The following TENM3 variants were observed in gnomAD, a reference collection of about 807,000 sequenced individuals.
TENM3 encodes the protein teneurin transmembrane protein 3.
TENM3 carries 63 observed loss-of-function variants against 255.1 expected under a neutral mutation model. The ratio of observed to expected loss-of-function variants is 0.25; its 90% confidence interval spans 0.20 to 0.30. The LOEUF (loss-of-function observed/expected upper bound fraction) is 0.30, where lower values mean the gene tolerates loss of function less well. Among genes scored for constraint, TENM3 ranks in the 10% least tolerant of loss-of-function variants. The pLI is 1.00. For missense variants in TENM3, 2,929 were observed against 3,461.1 expected, an observed-to-expected ratio of 0.85 and a Z score of 3.86; for synonymous variants, 1,306 against 1,322.3, an observed-to-expected ratio of 0.99 and a Z score of 0.27.
intron 3 of TENM3, among the ~76,000 whole-genome samples, chr4:182,437,443 G>A (rs532920876): frequency 6.6e-6 from 1 of 152,090 alleles, no homozygotes; most frequent in African/African-American, 2.4e-5. Context: ...GAGCCTAGGA[G>A]TTCAAGATCA....
At chr4:181,469,813 T>C in the TENM3 span, among the ~76,000 whole-genome samples, 2 of 152,166 alleles carry the variant, frequency 1.3e-5, no homozygotes, top group South Asian at 4.1e-4. Context: ...TCATATTAAA[T>C]TGTTATACCT....
chr4:182,329,355 G>A (rs1763614779), intron 2 of TENM3, among the ~76,000 whole-genome samples: 1 of 152,222 alleles, frequency 6.6e-6, no homozygotes. Context: ...ATGTTGCCTT[G>A]TGGGAGCAGC....
intron 13 of TENM3, among the ~76,000 whole-genome samples, chr4:182,719,897 CA>C (rs1759566455): frequency 6.6e-6 from 1 of 151,914 alleles, no homozygotes; most frequent in East Asian, 1.9e-4. Context: ...CCCATCTCTA[CA>C]AAAAATATAA....
At chr4:181,507,250 G>A in the TENM3 span, among the ~76,000 whole-genome samples, 1 of 152,142 alleles carries the variant, frequency 6.6e-6, no homozygotes, top group African/African-American at 2.4e-5. Context: ...TAAAGTCATG[G>A]GGAGAAGAAG....
chr4:181,755,533 C>G, the TENM3 span, among the ~76,000 whole-genome samples: 1 of 152,098 alleles, frequency 6.6e-6, no homozygotes, highest in East Asian at 1.9e-4. Flanking sequence ...TGCTAGATGG[C>G]TTGAGTCTAA....
At chr4:181,903,247 T>C in the TENM3 span, among the ~76,000 whole-genome samples, 1 of 150,620 alleles carries the variant, frequency 6.6e-6, no homozygotes, top group African/African-American at 2.5e-5. Flanking sequence ...TTTTTATATG[T>C]GTATATATAT....
At chr4:182,533,869 A>G (rs1030695665) in intron 3 of TENM3, among the ~76,000 whole-genome samples, 1 of 152,018 alleles carries the variant, frequency 6.6e-6, no homozygotes, top group Non-Finnish European at 1.5e-5. Flanking sequence ...GCCAAGATCC[A>G]CTGCACCCCA....
chr4:181,645,019 A>G, the TENM3 span, among the ~76,000 whole-genome samples: 1 of 152,334 alleles, frequency 6.6e-6, no homozygotes, highest in Non-Finnish European at 1.5e-5. Flanking sequence ...TGAGTAATTA[A>G]TATTCTAAGC....
Position 182,801,944 on chromosome 4 carries a change from A to G in TENM3, c.*1593A>G, listed in dbSNP as rs951672613. The G allele has an allele frequency of 6.6e-6, 1 of 152,666 alleles. No homozygotes were observed. The highest frequency in any genetic ancestry group is 2.4e-5 in the African/African-American group (1 of 41,474). The allele number at this position is 152,666 out of a possible 1,614,324, so 9.5% of individuals were successfully genotyped here. A position where few individuals can be genotyped will look rare whatever the true frequency, so the allele number is the denominator to read the frequency against. On this transcript the variant is annotated 3_prime_UTR_variant, in exon 28 of 28. Coordinates refer to ENST00000511685, the MANE Select transcript of TENM3 (RefSeq NM_001080477.4). ...AATTCAGCCACGAAAATATTTTTAG[A>G]AGATATTTCTCAGTTCATCGAGCTA... is the stretch of plus-strand genomic sequence containing the variant.
the TENM3 span, among the ~76,000 whole-genome samples, chr4:181,971,910 G>T: frequency 6.6e-6 from 1 of 152,100 alleles, no homozygotes; most frequent in Non-Finnish European, 1.5e-5. Context: ...AAGCATGTCA[G>T]TCTGAGCTAA....
intron 2 of TENM3, among the ~76,000 whole-genome samples, chr4:182,341,002 A>G (rs1434866114): frequency 6.6e-6 from 1 of 152,230 alleles, no homozygotes; most frequent in African/African-American, 2.4e-5. Flanking sequence ...ATTCTCCTTT[A>G]AAACAATCCA....
the TENM3 span, among the ~76,000 whole-genome samples, chr4:181,886,205 A>G: frequency 1.3e-5 from 2 of 152,020 alleles, no homozygotes; most frequent in Admixed American, 1.3e-4. Context: ...GGCGCGTGCC[A>G]CCACACCCAG....
At chr4:181,990,558 T>C in the TENM3 span, among the ~76,000 whole-genome samples, 1 of 152,122 alleles carries the variant, frequency 6.6e-6, no homozygotes, top group East Asian at 1.9e-4. Flanking sequence ...GGTACCCAAT[T>C]CTATGGGAGT....
chr4:182,714,311 T>G, intron 13 of TENM3, 78 bp downstream of exon 13: 3 of 498,322 alleles, frequency 6.0e-6, no homozygotes, highest in African/African-American at 3.2e-5. Flanking sequence ...TAGATATCTG[T>G]TGCCAAAAAA....
At chr4:182,705,488 G>A (rs907179565) in intron 12 of TENM3, among the ~76,000 whole-genome samples, 11 of 152,184 alleles carry the variant, frequency 7.2e-5, no homozygotes, top group African/African-American at 2.4e-4. Context: ...CAAGCGCATT[G>A]TTGACAGCGG....
chr4:181,786,703 T>C, the TENM3 span, among the ~76,000 whole-genome samples: 4 of 151,956 alleles, frequency 2.6e-5, no homozygotes, highest in African/African-American at 9.7e-5. Flanking sequence ...ATCACTTTTT[T>C]TTTTTTTTTC....
chr4:182,116,309 G>A, the TENM3 span, among the ~76,000 whole-genome samples: 2 of 152,020 alleles, frequency 1.3e-5, no homozygotes, highest in Admixed American at 1.3e-4. Context: ...TTTCAGACTG[G>A]CTTTTTTCAC....
At chr4:181,627,291 TAATATGCTATA>T in the TENM3 span, among the ~76,000 whole-genome samples, 70 of 152,328 alleles carry the variant, frequency 4.6e-4, 1 homozygote, top group African/African-American at 1.5e-3. Context: ...AGATTGATAA[TAATATGCTATA>T]AATACTCACA....
chr4:181,800,493 C>A, the TENM3 span, among the ~76,000 whole-genome samples: 1,141 of 152,178 alleles, frequency 7.5e-3, 13 homozygotes, highest in African/African-American at 0.026. Flanking sequence ...ATTAGCTGGG[C>A]ATGGTGGCAG....
Sources: allele counts gnomAD v4.1 joint callset (sites outside exome capture counted in the v4.1 genomes callset), GRCh38; gene constraint gnomAD v4.1.1; transcripts MANE v1.5; gene names NCBI Gene and HGNC (gene_info 2026-07-23, HGNC 2026-07-21).